CPLX2: variants seen among roughly 807,000 people sequenced by gnomAD.
CPLX2 encodes complexin-2.
A neutral mutation model predicts 16.3 loss-of-function variants in CPLX2; 5 were observed. That is an observed-to-expected ratio of 0.31 (90% CI 0.16 to 0.64). The LOEUF (loss-of-function observed/expected upper bound fraction) is 0.64. Among genes scored for constraint, CPLX2 ranks in the 30% least tolerant of loss-of-function variants. The pLI is 0.79. For synonymous variants in CPLX2, 89 were observed against 73.2 expected (o/e 1.22, Z -1.10); for missense variants, 144 against 181.4 (o/e 0.79, Z 1.18).
At position 175,798,066 on chromosome 5, in the gene CPLX2, G is replaced by T. The variant is rs182830727; in HGVS notation, c.-169+1282G>T. Among the ~76,000 whole-genome samples, 819 of 152,266 alleles carry T rather than the reference G, an allele frequency of 5.4e-3. 3 individuals carry two copies. Among genetic ancestry groups the T allele is most frequent in the Non-Finnish European group, 6.4e-3 (433 of 68,012 alleles). On this transcript the variant is annotated intron_variant, in intron 1 of 4. Transcript: ENST00000359546. ...AGTAGCAAAGCTGGGCCTAAAACCC[G>T]GGCTCTCTAACTCCTGGGCCTGTTG...
intron 2 of CPLX2, among the ~76,000 whole-genome samples, chr5:175,858,483 G>C (rs2113686029): frequency 6.6e-6 from 1 of 152,354 alleles, no homozygotes; most frequent in African/African-American, 2.4e-5. Context: ...GCTACATCAA[G>C]GCATGGGCAG....
rs973955825 is a variant in CPLX2 at position 175,883,620 on chromosome 5, C to G, written c.*3575C>G. 1 of 152,336 alleles carries G rather than the reference C, an allele frequency of 6.6e-6. No homozygotes were observed. Among genetic ancestry groups the G allele is most frequent in the Non-Finnish European group, 1.5e-5 (1 of 68,138 alleles). 9.4% of individuals were successfully genotyped at this position (152,336 alleles called of 1,614,324 possible). A position where few individuals can be genotyped will look rare whatever the true frequency, so the allele number is the denominator to read the frequency against. On this transcript the variant is annotated 3_prime_UTR_variant, in exon 4 of 4. Transcript: ENST00000393745. Reference sequence around the variant, plus strand: ...CTCTAGGGTTCCACAGGCCCCTGACCGCACAGGGAGGCTGGGGCCAGCCTG... The same window carrying G: ...CTCTAGGGTTCCACAGGCCCCTGACGGCACAGGGAGGCTGGGGCCAGCCTG...
chr5:175,838,377 C>G (rs990286259), intron 2 of CPLX2, among the ~76,000 whole-genome samples: 1 of 150,444 alleles, frequency 6.6e-6, no homozygotes, highest in Non-Finnish European at 1.5e-5. Context: ...ACGCCATTCT[C>G]CTGCCTCAGC....
chr5:175,850,227 A>G (rs1759125310), intron 2 of CPLX2, among the ~76,000 whole-genome samples: 2 of 152,250 alleles, frequency 1.3e-5, no homozygotes, highest in Admixed American at 6.5e-5. Context: ...ATGATCTAGC[A>G]TCAGCCAGAT....
chr5:175,878,875 C>A lies in CPLX2; in HGVS notation c.32-33C>A, dbSNP rs200872237. The A allele has an allele frequency of 1.1e-4, 170 of 1,609,494 alleles. 2 individuals are homozygous for A. In the East Asian group the frequency reaches 3.7e-3, roughly 35 times the overall value. On this transcript the variant is annotated intron_variant, in intron 2 of 3. Coordinates refer to ENST00000393745, the MANE Select transcript of CPLX2 (RefSeq NM_001008220.2). ...CTCCCCAGCCCTGACCCCTAGCTGA[C>A]CCCGCCCTCTCCTTCCCACCCCTTC...
At chr5:175,827,731 G>A (rs1758646098) in intron 2 of CPLX2, among the ~76,000 whole-genome samples, 1 of 152,192 alleles carries the variant, frequency 6.6e-6, no homozygotes. Context: ...CTGCACTCCA[G>A]CCTGAGTGAC....
intron 2 of CPLX2, among the ~76,000 whole-genome samples, chr5:175,848,589 G>A (rs747875478): frequency 3.3e-5 from 5 of 152,128 alleles, no homozygotes; most frequent in African/African-American, 7.2e-5. Context: ...AGGAAGGGTG[G>A]GTGAGGGTCC....
At chr5:175,855,225 C>T (rs116466796) in intron 2 of CPLX2, among the ~76,000 whole-genome samples, 1 of 152,108 alleles carries the variant, frequency 6.6e-6, no homozygotes, top group African/African-American at 2.4e-5. Flanking sequence ...GCAGAGCAGT[C>T]GAGGTTCAGT....
At position 175,858,714 on chromosome 5, in the gene CPLX2, C is replaced by T. The variant is rs377427442; in HGVS notation, c.-88-19938C>T. Among the ~76,000 whole-genome samples, 5 of 152,316 alleles carry T rather than the reference C, an allele frequency of 3.3e-5. No homozygotes were observed. The South Asian group carries it at 8.3e-4, about 25-fold the overall frequency. ...AAGGATCTTGCGAAGTTATAGGCAC[C>T]GGCTGCAAAATGCAAAAAAGCCTCC... is the stretch of plus-strand genomic sequence containing the variant. On this transcript the variant is annotated intron_variant, in intron 2 of 4. Coordinates refer to the CPLX2 transcript ENST00000359546.
At chr5:175,821,504 T>A (rs1758508303) in intron 2 of CPLX2, among the ~76,000 whole-genome samples, 1 of 152,082 alleles carries the variant, frequency 6.6e-6, no homozygotes, top group South Asian at 2.1e-4. Context: ...GCCTCCTGGG[T>A]TCAAGTGATT....
At chr5:175,821,137 C>T (rs540972961) in intron 2 of CPLX2, among the ~76,000 whole-genome samples, 6 of 152,294 alleles carry the variant, frequency 3.9e-5, no homozygotes, top group African/African-American at 1.2e-4. Context: ...ATTTCTTCCT[C>T]CCAATCCTAC....
At chr5:175,838,726 C>T (rs1247097761) in intron 2 of CPLX2, among the ~76,000 whole-genome samples, 1 of 152,170 alleles carries the variant, frequency 6.6e-6, no homozygotes, top group Non-Finnish European at 1.5e-5. Context: ...TCATAGGCCA[C>T]CGCAGGGAAT....
upstream of CPLX2, among the ~76,000 whole-genome samples, chr5:175,870,520 C>T (rs534263655): frequency 6.6e-6 from 1 of 152,274 alleles, no homozygotes; most frequent in Non-Finnish European, 1.5e-5. Flanking sequence ...TGCAAGGCCC[C>T]TCCTCTCCGA....
At chr5:175,827,764 T>TA (rs1239261436) in intron 2 of CPLX2, among the ~76,000 whole-genome samples, 2 of 152,062 alleles carry the variant, frequency 1.3e-5, no homozygotes, top group African/African-American at 4.8e-5. Flanking sequence ...TCTCAATAAA[T>TA]AAATAAATAA....
chr5:175,836,347 C>T (rs1758840999), intron 2 of CPLX2, among the ~76,000 whole-genome samples: 1 of 146,810 alleles, frequency 6.8e-6, no homozygotes, highest in African/African-American at 2.6e-5. Flanking sequence ...GAGACTCCGT[C>T]TCAAAATAAA....
At chr5:175,807,601 C>T (rs957325437) in intron 1 of CPLX2, among the ~76,000 whole-genome samples, 6 of 152,258 alleles carry the variant, frequency 3.9e-5, no homozygotes. Context: ...ATATTGTCAG[C>T]TCCCTGAGAG....
chr5:175,846,231 C>T (rs1004371727), intron 2 of CPLX2, among the ~76,000 whole-genome samples: 8 of 152,152 alleles, frequency 5.3e-5, no homozygotes, highest in African/African-American at 1.9e-4. Flanking sequence ...CTCCACAGGA[C>T]AGGCATGGCA....
In CPLX2 at chr5:175,856,924, C is replaced by T. The variant is rs141544025; in HGVS notation, c.-88-21728C>T. Among the ~76,000 whole-genome samples, 1,295 of 152,242 alleles carry T rather than the reference C, an allele frequency of 8.5e-3. 14 individuals carry two copies. Among genetic ancestry groups the T allele is most frequent in the Middle Eastern group, 0.041 (12 of 294 alleles). ...AGGAACTTGCCTGGATCCTTCACTG[C>T]GGACCTTGGTTCTCCAAAAATGGCA... On this transcript the variant is annotated intron_variant, in intron 2 of 4. Transcript: ENST00000359546.
chr5:175,848,859 C>A (rs897077537), intron 2 of CPLX2, among the ~76,000 whole-genome samples: 2 of 152,112 alleles, frequency 1.3e-5, no homozygotes, highest in Admixed American at 1.3e-4. Flanking sequence ...GTGCAAAGGT[C>A]CTGAGGCAGG....
Sources: allele counts gnomAD v4.1 joint callset (sites outside exome capture counted in the v4.1 genomes callset), GRCh38; gene constraint gnomAD v4.1.1; transcripts MANE v1.5; gene names NCBI Gene and HGNC (gene_info 2026-07-23, HGNC 2026-07-21).